NUP155: variants seen among roughly 807,000 people sequenced by gnomAD.
NUP155 encodes the protein nucleoporin 155.
NUP155 carries 71 observed loss-of-function variants against 180.4 expected under a neutral mutation model. That is an observed-to-expected ratio of 0.39 (90% confidence interval 0.33 to 0.48). NUP155 has a LOEUF of 0.48. Ranked by LOEUF, NUP155 falls within the 20% of genes least tolerant of loss-of-function variation. NUP155 has a pLI of 0.91. For synonymous variants in NUP155, 582 were observed against 559.5 expected (o/e 1.04, Z -0.57); for missense variants, 1,553 against 1,648.9 (o/e 0.94, Z 1.01).
At chr5:37,358,004 G>GT in intron 4 of NUP155, 77 bp downstream of exon 4, 1 of 1,010,892 alleles carries the variant, frequency 9.9e-7, no homozygotes, top group Non-Finnish European at 1.6e-6. Context: ...AAAAAAATGT[G>GT]TGTTGTTGTT....
At position 37,363,951 on chromosome 5, in the gene NUP155, G is replaced by A. The variant is rs1453828757; in HGVS notation, c.329C>T (p.Pro110Leu). The change falls in exon 3 of 35, where the codon CCT (proline) becomes CTT (leucine). Residue 110 changes from proline (P) to leucine (L), a missense_variant. By Grantham distance (98) the Pro-to-Leu change is moderately conservative. Transcript: ENST00000231498. ...TGTGAGCCAAGCTCTGCTGATAGGA[G>A]GGAACACACCCATCATGCAATTACA... ...MQCNCMMGVFPPISRAWLTID... is the reference protein window; with the variant it reads ...MQCNCMMGVFLPISRAWLTID... 2 of 1,613,828 alleles carry A rather than the reference G, an allele frequency of 1.2e-6. No individual in the cohort carries two copies. The highest frequency in any genetic ancestry group is 2.2e-5 in the East Asian group (1 of 44,874).
rs1189888085 is a variant in NUP155 at position 37,325,788 on chromosome 5, A to T, written c.2091+113T>A. On this transcript the variant is annotated intron_variant, in intron 19 of 34. Coordinates refer to ENST00000231498, the MANE Select transcript of NUP155 (RefSeq NM_153485.3). ...TGTCTCAAAAAAAAAAAAAAAAAAA[A>T]AAATAACCTTTGCCATCTTATTTGT... 4.2e-5 allele frequency: 30 copies of T among 707,154 alleles called. No individual in the cohort carries two copies. The East Asian group carries it at 5.4e-4, about 13-fold the overall frequency. 43.8% of individuals were successfully genotyped at this position (707,154 alleles called of 1,614,324 possible). A position where few individuals can be genotyped will look rare whatever the true frequency, so the allele number is the denominator to read the frequency against.
chr5:37,333,616 A>T lies in NUP155; in HGVS notation c.1365T>A (p.Asp455Glu). The T allele has an allele frequency of 6.2e-7, 1 of 1,613,580 alleles. No individual in the cohort carries two copies. Among genetic ancestry groups the T allele is most frequent in the Non-Finnish European group, 8.5e-7 (1 of 1,179,600 alleles). The change falls in exon 13 of 35, where the codon GAT (aspartate) becomes GAA (glutamate). Residue 455 changes from aspartate to glutamate, a missense_variant. By Grantham distance (45) the Asp-to-Glu change is conservative (BLOSUM62 2). Transcript: ENST00000231498. ...MMETQMTAGVDGHSWALSAID... is the reference protein window; with the variant it reads ...MMETQMTAGVEGHSWALSAID... Reference sequence around the variant, plus strand: ...TCGCAGAAAGAGCCCAGGAATGACCATCAACACCAGCTGTCATCTATGTAA... The same window carrying T: ...TCGCAGAAAGAGCCCAGGAATGACCTTCAACACCAGCTGTCATCTATGTAA...
At position 37,302,926 on chromosome 5, in the gene NUP155, T is replaced by G; in HGVS notation, c.3318-18A>C. 6.2e-7 allele frequency: 1 copy of G among 1,613,446 alleles called. No homozygotes were observed. Among genetic ancestry groups the G allele is most frequent in the Non-Finnish European group, 8.5e-7 (1 of 1,179,558 alleles). The stretch of plus-strand genomic sequence containing the variant: ...TTTCTGTGCTAGAAGGGAAAACGCT[T>G]ATTTTTAGTTACACAATTTCTTAAG... On this transcript the variant is annotated intron_variant, in intron 28 of 34. Transcript: ENST00000231498.
At chr5:37,318,182 T>A (rs905177472) in intron 20 of NUP155, 97 bp from the exon 21 acceptor site, 74 of 860,760 alleles carry the variant, frequency 8.6e-5, no homozygotes, top group Middle Eastern at 2.3e-4. Context: ...TTACTTTTTT[T>A]AAATAATTCA....
intron 29 of NUP155, 144 bp downstream of exon 29, chr5:37,302,633 AAC>A: frequency 2.5e-6 from 2 of 787,486 alleles, no homozygotes; most frequent in South Asian, 3.4e-5. Flanking sequence ...TTTATATCTA[AAC>A]ATAAAAATAA....
rs769152038 is a variant in NUP155, at chr5:37,370,999, G to C, written c.-22C>G. On this transcript the variant is annotated 5_prime_UTR_variant, in exon 1 of 35. Transcript: ENST00000231498. Reference sequence around the variant, plus strand: ...GCATCTCGGAAATCGTAGACACCAGGGTCCAGAAAAAGTCAAAAACCAAGG... The same window carrying C: ...GCATCTCGGAAATCGTAGACACCAGCGTCCAGAAAAAGTCAAAAACCAAGG... The C allele has an allele frequency of 6.2e-7, 1 of 1,612,144 alleles. No individual in the cohort carries two copies. The highest frequency in any genetic ancestry group is 8.5e-7 in the Non-Finnish European group (1 of 1,179,210).
intron 3 of NUP155, among the ~76,000 whole-genome samples, chr5:37,361,398 CAAG>C (rs1337978914): frequency 2.7e-5 from 4 of 150,012 alleles, no homozygotes; most frequent in Admixed American, 2.7e-4. Context: ...GCTCAGAGAA[CAAG>C]AAGCAGAAAA....
At chr5:37,315,615 T>C (rs772829189) in intron 21 of NUP155, among the ~76,000 whole-genome samples, 15 of 149,794 alleles carry the variant, frequency 1.0e-4, no homozygotes, top group African/African-American at 3.1e-4. Context: ...TGTGAAGAAA[T>C]TGGAACCCTT....
intron 20 of NUP155, among the ~76,000 whole-genome samples, chr5:37,322,644 T>C (rs1393475992): frequency 1.4e-5 from 2 of 147,618 alleles, no homozygotes; most frequent in East Asian, 4.0e-4. Context: ...GAGGCGGAGG[T>C]TGCAGTGAGC....
chr5:37,337,821 G>C lies in NUP155; in HGVS notation c.1344C>G (p.Thr448=), dbSNP rs201298717. The C allele has an allele frequency of 6.3e-7, 1 of 1,583,974 alleles. No individual in the cohort carries two copies. The highest frequency in any genetic ancestry group is 2.2e-5 in the East Asian group (1 of 44,628). The change falls in exon 12 of 35, where the codon ACC becomes ACG. Residue 448 remains threonine, a synonymous_variant. Transcript: ENST00000231498. ...CAGAATTGTCAGGATAACTTACCTG[G>C]GTTTCCATCATTGGCTTTTGGAAAG... ...TFPFQKPMME[T]QMTAGVDGHS... is the part of the protein sequence containing the mutation.
chr5:37,318,682 T>A (rs1363913631), intron 20 of NUP155, among the ~76,000 whole-genome samples: 1 of 151,874 alleles, frequency 6.6e-6, no homozygotes, highest in South Asian at 2.1e-4. Flanking sequence ...ACAGTTCGGA[T>A]AAGGGATATT....
chr5:37,365,280 T>TAAAC (rs1554133491), intron 1 of NUP155, among the ~76,000 whole-genome samples: 3 of 151,094 alleles, frequency 2.0e-5, no homozygotes, highest in African/African-American at 7.3e-5. Flanking sequence ...AATAAATAAA[T>TAAAC]AAACAAAATG....
intron 20 of NUP155, among the ~76,000 whole-genome samples, chr5:37,318,477 C>T (rs1744044674): frequency 6.7e-6 from 1 of 149,940 alleles, no homozygotes; most frequent in African/African-American, 2.5e-5. Context: ...ATTGAGTATC[C>T]CTAATAAAAA....
At chr5:37,301,389 C>T (rs1488546178) in intron 30 of NUP155, 48 bp downstream of exon 30, 1 of 1,283,330 alleles carries the variant, frequency 7.8e-7, no homozygotes, top group African/African-American at 1.5e-5. Context: ...ACAAAAATTT[C>T]TCATTATTAG....
intron 9 of NUP155, among the ~76,000 whole-genome samples, chr5:37,346,740 G>A (rs1425761714): frequency 6.6e-6 from 1 of 152,068 alleles, no homozygotes; most frequent in African/African-American, 2.4e-5. Context: ...TGTGCAAATG[G>A]TAATGCAGAT....
intron 20 of NUP155, among the ~76,000 whole-genome samples, chr5:37,318,742 C>G (rs1264061979): frequency 6.6e-6 from 1 of 151,972 alleles, no homozygotes; most frequent in East Asian, 1.9e-4. Context: ...CTGATCAAAG[C>G]CAAGACGTTC....
chr5:37,333,368 G>T, intron 13 of NUP155, 95 bp downstream of exon 13: 1 of 1,129,996 alleles, frequency 8.8e-7, no homozygotes, highest in Admixed American at 1.7e-5. Context: ...AAAAAAGAAA[G>T]AAAATTATTC....
chr5:37,367,693 C>T (rs13171296), intron 1 of NUP155, among the ~76,000 whole-genome samples: 20,996 of 151,792 alleles, frequency 0.14, 1,777 homozygotes, highest in East Asian at 0.3. Context: ...CCACCACGCC[C>T]GGCTAATTAT....
Sources: allele counts gnomAD v4.1 joint callset (sites outside exome capture counted in the v4.1 genomes callset), GRCh38; gene constraint gnomAD v4.1.1; transcripts MANE v1.5; gene names NCBI Gene and HGNC (gene_info 2026-07-23, HGNC 2026-07-21).